The following RARB variants were observed in gnomAD, a reference collection of about 807,000 sequenced individuals.
The protein encoded by RARB is retinoic acid receptor beta.
Under a neutral mutation model 51.9 loss-of-function variants are expected in RARB, and 17 were observed. The ratio of observed to expected loss-of-function variants is 0.33; its 90% CI spans 0.22 to 0.49. The LOEUF is 0.49. RARB is among the 20% of genes least tolerant of loss of function. The probability of loss-of-function intolerance (pLI) is 0.99; values close to 1 mark genes in which losing one functional copy is unlikely to be tolerated. For missense variants in RARB, 369 were observed against 550.8 expected (o/e 0.67, Z 3.30); for synonymous variants, 215 against 195.4 (o/e 1.10, Z -0.84).
In RARB at chr3:25,106,464, T is replaced by TG. The variant is rs1699505215; in HGVS notation, c.-327-25697_-327-25696insG. On this transcript the variant is annotated intron_variant, in intron 3 of 11. Transcript: ENST00000383772. ...CTACTGTTTTTTGTTTTTTGTTTTT[T>TG]TTTGTTTTGTTTTTTTTTTGTAGAG... is the stretch of plus-strand genomic sequence containing the variant. Among the ~76,000 whole-genome samples, 6 of 122,788 alleles carry TG rather than the reference T, an allele frequency of 4.9e-5. 1 individual carries two copies. The highest frequency in any genetic ancestry group is 1.7e-4 in the Admixed American group (2 of 11,746). 80.6% of individuals were successfully genotyped at this position (122,788 alleles called of 152,430 possible).
chr3:25,332,540 C>G (rs1704933475), intron 5 of RARB, among the ~76,000 whole-genome samples: 1 of 152,072 alleles, frequency 6.6e-6, no homozygotes. Context: ...ATAATAAGAG[C>G]CATTTATGAC....
chr3:25,038,924 T>G (rs1382000038), intron 2 of RARB, among the ~76,000 whole-genome samples: 1 of 152,194 alleles, frequency 6.6e-6, no homozygotes, highest in African/African-American at 2.4e-5. Context: ...TGAAATGTGT[T>G]CTATTAGGGA....
At chr3:25,456,384 A>G (rs1575420907) in intron 1 of RARB, among the ~76,000 whole-genome samples, 1 of 152,092 alleles carries the variant, frequency 6.6e-6, no homozygotes, top group Non-Finnish European at 1.5e-5. Flanking sequence ...ACCTCTGATA[A>G]ACTTTGCCAA....
At chr3:25,588,815 CCT>C (rs1290629181) in intron 5 of RARB, among the ~76,000 whole-genome samples, 3 of 152,138 alleles carry the variant, frequency 2.0e-5, no homozygotes, top group African/African-American at 2.4e-5. Flanking sequence ...GGTTAACTGT[CCT>C]CTTGAAATGT....
chr3:24,894,517 G>GT (rs1463371619), intron 2 of RARB, among the ~76,000 whole-genome samples: 1 of 151,992 alleles, frequency 6.6e-6, no homozygotes. Flanking sequence ...GTCCACTGTT[G>GT]TTGGGTACTG....
intron 2 of RARB, among the ~76,000 whole-genome samples, chr3:24,973,813 T>C (rs1210442404): frequency 1.3e-5 from 2 of 152,110 alleles, no homozygotes; most frequent in African/African-American, 4.8e-5. Flanking sequence ...ATCCTGCAAC[T>C]TTACTGAATT....
intron 3 of RARB, among the ~76,000 whole-genome samples, chr3:25,521,143 G>A (rs1698385291): frequency 6.6e-6 from 1 of 152,172 alleles, no homozygotes; most frequent in East Asian, 1.9e-4. Flanking sequence ...GGCAAGGAAA[G>A]GGCGTTACCT....
intron 3 of RARB, among the ~76,000 whole-genome samples, chr3:25,090,645 CAATG>C (rs1355225685): frequency 6.6e-6 from 1 of 152,094 alleles, no homozygotes; most frequent in Non-Finnish European, 1.5e-5. Flanking sequence ...TTAATATAGA[CAATG>C]AATCTCTTCT....
At chr3:25,345,810 A>G (rs1705375661) in intron 5 of RARB, 1 of 549,710 alleles carries the variant, frequency 1.8e-6, no homozygotes, top group African/African-American at 2.0e-5. Context: ...CATGAAATGA[A>G]CTGTATCAGT....
Position 25,471,687 on chromosome 3 carries a change from C to T in RARB, c.306+10346C>T, listed in dbSNP as rs528633753. On this transcript the variant is annotated intron_variant, in intron 2 of 7. Coordinates refer to ENST00000330688, the MANE Select transcript of RARB (RefSeq NM_000965.5). ...GCTTATAAATTTTTTAATGGTTAAA[C>T]GTTCAGGAATGCTTGTGTAGATGCT... 5.3e-4 allele frequency among the ~76,000 whole-genome samples: 81 copies of T among 151,568 alleles called. 1 individual carries two copies. Among genetic ancestry groups the T allele is most frequent in the Admixed American group, 2.9e-3 (44 of 15,206 alleles).
At chr3:25,514,830 G>C (rs1698078783) in intron 3 of RARB, among the ~76,000 whole-genome samples, 1 of 152,188 alleles carries the variant, frequency 6.6e-6, no homozygotes, top group Non-Finnish European at 1.5e-5. Flanking sequence ...AGGACAGGAA[G>C]AGAATCAAGT....
chr3:24,941,211 A>G (rs1695659161), intron 2 of RARB, among the ~76,000 whole-genome samples: 3 of 152,068 alleles, frequency 2.0e-5, no homozygotes, highest in Admixed American at 1.3e-4. Context: ...TCAGAAAACT[A>G]TAGTGATTAT....
chr3:24,992,288 C>T (rs529382889), intron 2 of RARB, among the ~76,000 whole-genome samples: 2 of 152,064 alleles, frequency 1.3e-5, no homozygotes, highest in South Asian at 2.1e-4. Context: ...GTAAGTTTGA[C>T]ATATGTTTCT....
intron 3 of RARB, among the ~76,000 whole-genome samples, chr3:25,130,898 CAATATTATTGATAATATT>C (rs1699936064): frequency 6.3e-5 from 2 of 31,862 alleles, no homozygotes; most frequent in Admixed American, 5.1e-4. Context: ...TTGATAATAT[CAATATTATTGATAATATT>C]ATCAATATTT....
At chr3:25,381,784 G>A (rs1471785257) in intron 5 of RARB, among the ~76,000 whole-genome samples, 2 of 152,128 alleles carry the variant, frequency 1.3e-5, no homozygotes, top group East Asian at 1.9e-4. Context: ...CCTACCCCTG[G>A]TCAACTGAAT....
chr3:25,524,355 T>G (rs1698544572), intron 3 of RARB, among the ~76,000 whole-genome samples: 1 of 152,138 alleles, frequency 6.6e-6, no homozygotes, highest in Non-Finnish European at 1.5e-5. Flanking sequence ...ACTTTTACAG[T>G]CAAGGTCAAG....
At chr3:24,963,876 A>G (rs1696196882) in intron 2 of RARB, among the ~76,000 whole-genome samples, 1 of 148,158 alleles carries the variant, frequency 6.7e-6, no homozygotes, top group Non-Finnish European at 1.5e-5. Context: ...GACAAGTCCA[A>G]CTGCATTTTG....
chr3:25,162,446 C>T (rs1700488179), intron 4 of RARB, among the ~76,000 whole-genome samples: 1 of 152,132 alleles, frequency 6.6e-6, no homozygotes, highest in African/African-American at 2.4e-5. Context: ...CAAACAACAA[C>T]ATTCACCATT....
intron 5 of RARB, among the ~76,000 whole-genome samples, chr3:25,294,551 C>A (rs1703871527): frequency 6.6e-6 from 1 of 152,160 alleles, no homozygotes; most frequent in African/African-American, 2.4e-5. Context: ...CCTCTCCCAA[C>A]CCAGGCTGAA....
Sources: gnomAD v4.1 joint callset for allele counts (sites outside exome capture counted in the v4.1 genomes callset) on GRCh38, gnomAD v4.1.1 for gene constraint, MANE v1.5 for transcripts, NCBI Gene and HGNC (gene_info 2026-07-23, HGNC 2026-07-21) for gene names.